Variants in C5orf47 observed in about 807,000 individuals in gnomAD.
C5orf47 encodes the protein uncharacterized protein C5orf47.
C5orf47 carries 20 observed loss-of-function variants against 20.6 expected under a neutral mutation model. The ratio of observed to expected loss-of-function variants is 0.97; its 90% CI spans 0.68 to 1.41. The LOEUF (loss-of-function observed/expected upper bound fraction) is 1.41. C5orf47 is among the 40% of genes most tolerant of loss of function. The pLI is 0.00. For synonymous variants in C5orf47, 106 were observed against 97.3 expected, an observed-to-expected ratio of 1.09 and a Z score of -0.53; for missense variants, 262 against 238.4, an observed-to-expected ratio of 1.10 and a Z score of -0.65.
At chr5:173,997,546 G>A (rs937013644) in intron 1 of C5orf47, among the ~76,000 whole-genome samples, 1 of 152,150 alleles carries the variant, frequency 6.6e-6, no homozygotes, top group Non-Finnish European at 1.5e-5. Context: ...GGAGGTCAGA[G>A]CCTAGTGGAG....
chr5:174,007,534 C>G (rs1759310268), downstream of C5orf47, among the ~76,000 whole-genome samples: 1 of 151,408 alleles, frequency 6.6e-6, no homozygotes, highest in Non-Finnish European at 1.5e-5. Flanking sequence ...AAGGTTTTGC[C>G]TCAGGGCTAT....
intron 3 of C5orf47, 23 bp downstream of exon 3, chr5:173,999,822 G>T (rs1218468114): frequency 4.6e-6 from 6 of 1,294,458 alleles, no homozygotes; most frequent in African/African-American, 1.5e-5. Context: ...AATTTTTATT[G>T]TATTAAAAAG....
chr5:174,006,271 C>T (rs1759292379), downstream of C5orf47: 1 of 152,246 alleles, frequency 6.6e-6, no homozygotes, highest in Non-Finnish European at 1.5e-5. Context: ...TTTATTTTAG[C>T]CCAGTAGTCT....
In C5orf47 at chr5:173,989,498, A is replaced by C; in HGVS notation, c.235A>C (p.Thr79Pro). The C allele has an allele frequency of 6.5e-7, 1 of 1,546,024 alleles. No individual in the cohort carries two copies. Among genetic ancestry groups the C allele is most frequent in the South Asian group, 1.2e-5 (1 of 83,372 alleles). ...CCTCGGTTCCCAGCTCAGGGTCCCC[A>C]CGACCCCTGGTGTGGAGGCTGCGGC... ...LPLGSQLRVP[T>P]TPGVEAAASA... Residue 79 changes from threonine (T) to proline (P), a missense_variant, in exon 1 of 5, where the codon ACG becomes CCG. Coordinates refer to ENST00000340147, the MANE Select transcript of C5orf47 (RefSeq NM_001144954.2).
At chr5:174,001,293 C>T (rs1759192501) in intron 4 of C5orf47, 62 bp downstream of exon 4, 1 of 886,294 alleles carries the variant, frequency 1.1e-6, no homozygotes, top group East Asian at 2.7e-5. Flanking sequence ...CTTCTGTATC[C>T]TCCCTTCTCC....
At chr5:173,999,184 A>G (rs1759151994) in intron 2 of C5orf47, among the ~76,000 whole-genome samples, 1 of 152,170 alleles carries the variant, frequency 6.6e-6, no homozygotes, top group African/African-American at 2.4e-5. Context: ...CAAAGCTAGA[A>G]TTTGAGCCTA....
At chr5:173,993,003 T>C (rs1759025974) in intron 1 of C5orf47, among the ~76,000 whole-genome samples, 1 of 152,224 alleles carries the variant, frequency 6.6e-6, no homozygotes, top group South Asian at 2.1e-4. Flanking sequence ...TCTGTCTCTT[T>C]AAATTTCTCC....
In C5orf47 at chr5:174,005,303, G is replaced by A. The variant is rs190179576; in HGVS notation, c.*1049G>A. On this transcript the variant is annotated 3_prime_UTR_variant, in exon 5 of 5. Transcript: ENST00000340147. ...TGGGCTTCCTAATTATTTTACAAAG[G>A]TATTACAAAGTGTTAATATACAAAA... 7.9e-5 allele frequency: 12 copies of A among 152,240 alleles called. No homozygotes were observed. Among genetic ancestry groups the A allele is most frequent in the African/African-American group, 2.9e-4 (12 of 41,550 alleles). The allele number at this position is 152,240 out of a possible 1,614,324, so 9.4% of individuals were successfully genotyped here.
Position 173,989,174 on chromosome 5 carries a change from G to T in C5orf47, c.-90G>T. The T allele has an allele frequency of 8.8e-7, 1 of 1,135,374 alleles. No individual in the cohort carries two copies. Among genetic ancestry groups the T allele is most frequent in the African/African-American group, 1.6e-5 (1 of 60,888 alleles). 70.3% of individuals were successfully genotyped at this position (1,135,374 alleles called of 1,614,324 possible). A position where few individuals can be genotyped will look rare whatever the true frequency, so the allele number is the denominator to read the frequency against. On this transcript the variant is annotated 5_prime_UTR_variant, in exon 1 of 5. Transcript: ENST00000340147. ...CCCGCAGGGTGGTCTGGCCCTAACCGCTCCCGCATCCCTCGCCTGCACAGT... is the reference window on the plus strand; with the variant it reads ...CCCGCAGGGTGGTCTGGCCCTAACCTCTCCCGCATCCCTCGCCTGCACAGT...
At chr5:173,999,019 C>A (rs1235522834) in intron 2 of C5orf47, among the ~76,000 whole-genome samples, 2 of 152,096 alleles carry the variant, frequency 1.3e-5, no homozygotes, top group East Asian at 3.8e-4. Flanking sequence ...GAGAAAAGAG[C>A]AATAATCAAT....
intron 1 of C5orf47, among the ~76,000 whole-genome samples, chr5:173,990,895 A>G (rs1306342941): frequency 6.6e-6 from 1 of 152,184 alleles, no homozygotes; most frequent in Non-Finnish European, 1.5e-5. Flanking sequence ...TTATTAAACT[A>G]TAGTTCACAG....
intron 4 of C5orf47, among the ~76,000 whole-genome samples, chr5:174,003,955 TG>T (rs1370261691): frequency 5.9e-5 from 9 of 152,166 alleles, no homozygotes; most frequent in Non-Finnish European, 4.4e-5. Context: ...GCAATGGCCT[TG>T]GTTGTGAGTA....
In C5orf47 at chr5:174,001,123, T is replaced by C. The variant is rs183747410; in HGVS notation, c.512-73T>C. 277 of 859,002 alleles carry C rather than the reference T, an allele frequency of 3.2e-4. 1 individual carries two copies. In the African/African-American group the frequency reaches 4.0e-3, roughly 12 times the overall value. 53.2% of individuals were successfully genotyped at this position (859,002 alleles called of 1,614,324 possible). ...ATGTATTATAACTTGTATTCCATAA[T>C]GTATATTTATTAATGGGAAAACCAG... On this transcript the variant is annotated intron_variant, in intron 3 of 4. Transcript: ENST00000340147.
chr5:174,008,055 G>A (rs1447326123), downstream of C5orf47, among the ~76,000 whole-genome samples: 1 of 152,176 alleles, frequency 6.6e-6, no homozygotes, highest in African/African-American at 2.4e-5. Context: ...CAAAGATTCA[G>A]GGACCTGCCT....
At chr5:173,994,028 C>T (rs1362328165) in intron 1 of C5orf47, among the ~76,000 whole-genome samples, 1 of 152,182 alleles carries the variant, frequency 6.6e-6, no homozygotes, top group African/African-American at 2.4e-5. Flanking sequence ...GTTGTGGAAG[C>T]GTTTTCCTTG....
rs570049458 is a variant in C5orf47 at position 174,006,111 on chromosome 5, C to A, written c.*1857C>A. 6.6e-6 allele frequency: 1 copy of A among 152,452 alleles called. No homozygotes were observed. Among genetic ancestry groups the A allele is most frequent in the Admixed American group, 6.5e-5 (1 of 15,306 alleles). The allele number at this position is 152,452 out of a possible 1,614,324, so 9.4% of individuals were successfully genotyped here. On this transcript the variant is annotated 3_prime_UTR_variant, in exon 5 of 5. Coordinates refer to ENST00000340147, the MANE Select transcript of C5orf47 (RefSeq NM_001144954.2). ...AATTTCAGTAGGGGCTAATGACCCA[C>A]CCCTGCTACATTAAAGACTTCAGAC...
At chr5:173,989,632 ACGGGGCGGAG>A in intron 1 of C5orf47, 44 bp downstream of exon 1, 1 of 1,357,204 alleles carries the variant, frequency 7.4e-7, no homozygotes, top group Non-Finnish European at 9.5e-7. Flanking sequence ...GCGGGGCGGG[ACGGGGCGGAG>A]CGGGCTCAGC....
At chr5:173,994,148 G>A (rs1397217665) in intron 1 of C5orf47, among the ~76,000 whole-genome samples, 4 of 152,196 alleles carry the variant, frequency 2.6e-5, no homozygotes, top group East Asian at 1.9e-4. Flanking sequence ...CTTTTGAAGC[G>A]TTGGTTGTGC....
chr5:173,993,417 C>T (rs1759033973), intron 1 of C5orf47, among the ~76,000 whole-genome samples: 1 of 152,052 alleles, frequency 6.6e-6, no homozygotes. Context: ...CCAAGGTGGG[C>T]AGATCACGAG....
Sources: allele counts gnomAD v4.1 joint callset (sites outside exome capture counted in the v4.1 genomes callset), GRCh38; gene constraint gnomAD v4.1.1; transcripts MANE v1.5; gene names NCBI Gene and HGNC (gene_info 2026-07-23, HGNC 2026-07-21).